The following COL25A1 variants were observed in gnomAD, a reference collection of about 807,000 sequenced individuals.
COL25A1 encodes collagen type XXV alpha 1 chain.
A neutral mutation model predicts 128.4 loss-of-function variants in COL25A1; 103 were observed. That is an observed-to-expected ratio of 0.80 (90% CI 0.68 to 0.94). The LOEUF (loss-of-function observed/expected upper bound fraction) is 0.94. Ranked by LOEUF, COL25A1 falls within the 40% of genes least tolerant of loss-of-function variation. The probability of loss-of-function intolerance (pLI) is 0.00; values close to 1 mark genes in which losing one functional copy is unlikely to be tolerated. For missense variants in COL25A1, 745 were observed against 840.0 expected, an observed-to-expected ratio of 0.89 and a Z score of 1.40; for synonymous variants, 279 against 277.2, an observed-to-expected ratio of 1.01 and a Z score of -0.06.
intron 20 of COL25A1, among the ~76,000 whole-genome samples, chr4:108,865,245 C>A (rs962363517): frequency 1.3e-5 from 2 of 152,174 alleles, no homozygotes; most frequent in African/African-American, 4.8e-5. Flanking sequence ...GGAAATACTT[C>A]ATCTTGGAAA....
rs1730670836 is a variant in COL25A1 at position 108,810,041 on chromosome 4, A to AAATATTAGC, written c.*3877_*3885dup. 1.3e-5 allele frequency: 2 copies of AAATATTAGC among 151,998 alleles called. No homozygotes were observed. The highest frequency in any genetic ancestry group is 2.9e-5 in the Non-Finnish European group (2 of 67,854). 9.4% of individuals were successfully genotyped at this position (151,998 alleles called of 1,614,324 possible). A position where few individuals can be genotyped will look rare whatever the true frequency, so the allele number is the denominator to read the frequency against. On this transcript the variant is annotated 3_prime_UTR_variant, in exon 38 of 38. Coordinates refer to ENST00000399132, the MANE Select transcript of COL25A1 (RefSeq NM_198721.4). ...AGGAAGTAAGAAAAAACAAGATTTC[A>AAATATTAGC]AATATTAGCATCTGTATGTTGCTTA... is the stretch of plus-strand genomic sequence containing the variant.
chr4:109,120,722 T>C (rs1377111552), intron 3 of COL25A1, among the ~76,000 whole-genome samples: 1 of 151,794 alleles, frequency 6.6e-6, no homozygotes, highest in African/African-American at 2.4e-5. Context: ...GGTGGAAGGA[T>C]CAATTGAGCC....
At chr4:108,997,906 T>G (rs1378943072) in intron 6 of COL25A1, among the ~76,000 whole-genome samples, 1 of 152,064 alleles carries the variant, frequency 6.6e-6, no homozygotes, top group Non-Finnish European at 1.5e-5. Context: ...CAGAAAAGGC[T>G]TTAGACAAAA....
chr4:108,935,738 T>A (rs1480696531), intron 11 of COL25A1, among the ~76,000 whole-genome samples: 1 of 152,204 alleles, frequency 6.6e-6, no homozygotes, highest in African/African-American at 2.4e-5. Context: ...ACATTTGTAT[T>A]TAACTATGTC....
intron 3 of COL25A1, among the ~76,000 whole-genome samples, chr4:109,179,998 G>A (rs1347249648): frequency 6.6e-6 from 1 of 152,142 alleles, no homozygotes; most frequent in Non-Finnish European, 1.5e-5. Context: ...TGTGGTTTGG[G>A]TAAAATGTTA....
chr4:109,185,012 T>C (rs1345454029), intron 3 of COL25A1, among the ~76,000 whole-genome samples: 1 of 152,194 alleles, frequency 6.6e-6, no homozygotes, highest in Non-Finnish European at 1.5e-5. Flanking sequence ...TAGCATAACT[T>C]GGTTTGTTTT....
At chr4:108,886,487 TGTGTG>T (rs1560806528) in intron 18 of COL25A1, among the ~76,000 whole-genome samples, 1,602 of 90,002 alleles carry the variant, frequency 0.018, 54 homozygotes, top group African/African-American at 0.03. Flanking sequence ...TGTGTGTGTG[TGTGTG>T]TTTAGCTCAT....
At chr4:109,232,611 T>C (rs1779232285) in intron 3 of COL25A1, among the ~76,000 whole-genome samples, 1 of 152,212 alleles carries the variant, frequency 6.6e-6, no homozygotes, top group African/African-American at 2.4e-5. Flanking sequence ...ACACAAAATA[T>C]ATCCATTCAA....
intron 3 of COL25A1, among the ~76,000 whole-genome samples, chr4:109,297,082 C>T (rs1725050080): frequency 6.6e-6 from 1 of 152,038 alleles, no homozygotes; most frequent in Non-Finnish European, 1.5e-5. Flanking sequence ...TTCTGCTAAA[C>T]ACAGCTTCAA....
chr4:108,928,688 A>T (rs1746375305), intron 11 of COL25A1, among the ~76,000 whole-genome samples: 1 of 152,038 alleles, frequency 6.6e-6, no homozygotes, highest in Non-Finnish European at 1.5e-5. Context: ...GACTACACGC[A>T]TGAGCCACCA....
Position 108,889,417 on chromosome 4 carries a change from A to ATT in COL25A1, c.940-163_940-162dup, listed in dbSNP as rs34358532. ...ACTCTACATCTCACTAGACATACGG[A>ATT]TTTTTTTTTTTTTTTTTTTTGCTGT... is the stretch of plus-strand genomic sequence containing the variant. On this transcript the variant is annotated intron_variant, in intron 17 of 37. Transcript: ENST00000399132. Among the ~76,000 whole-genome samples the ATT allele has an allele frequency of 3.1e-3, 398 of 130,472 alleles. 5 individuals are homozygous for ATT. The highest frequency in any genetic ancestry group is 0.011 in the African/African-American group (372 of 35,184). 85.6% of individuals were successfully genotyped at this position (130,472 alleles called of 152,430 possible).
chr4:108,956,112 AAG>A (rs1410290370), intron 8 of COL25A1, among the ~76,000 whole-genome samples: 1 of 152,220 alleles, frequency 6.6e-6, no homozygotes, highest in Admixed American at 6.5e-5. Context: ...GACCTAAGTT[AAG>A]ATGAGAATAT....
intron 3 of COL25A1, among the ~76,000 whole-genome samples, chr4:109,272,899 T>C (rs564115835): frequency 1.3e-5 from 2 of 152,248 alleles, no homozygotes; most frequent in South Asian, 4.1e-4. Flanking sequence ...AAGGCCTCCA[T>C]GGCTGGGTAT....
At chr4:109,066,507 G>T (rs545327279) in intron 3 of COL25A1, among the ~76,000 whole-genome samples, 1 of 152,220 alleles carries the variant, frequency 6.6e-6, no homozygotes, top group African/African-American at 2.4e-5. Flanking sequence ...TTATTTCTTT[G>T]TAAGTCAGCA....
chr4:109,229,267 A>G (rs1553963647), intron 3 of COL25A1, among the ~76,000 whole-genome samples: 1 of 152,224 alleles, frequency 6.6e-6, no homozygotes, highest in Non-Finnish European at 1.5e-5. Flanking sequence ...TGCAAAAGTT[A>G]TAGTGTATAA....
chr4:108,913,062 T>C (rs1022774315), intron 13 of COL25A1, among the ~76,000 whole-genome samples: 3 of 152,022 alleles, frequency 2.0e-5, no homozygotes, highest in Non-Finnish European at 4.4e-5. Flanking sequence ...CGAATCAAGA[T>C]CATCTGATAT....
At chr4:109,258,922 A>T (rs1781256105) in intron 3 of COL25A1, among the ~76,000 whole-genome samples, 1 of 152,222 alleles carries the variant, frequency 6.6e-6, no homozygotes, top group Non-Finnish European at 1.5e-5. Context: ...TCCAGCTAAA[A>T]GTCATGGTCT....
At chr4:109,087,106 G>A (rs1185618388) in intron 3 of COL25A1, among the ~76,000 whole-genome samples, 1 of 152,052 alleles carries the variant, frequency 6.6e-6, no homozygotes, top group Non-Finnish European at 1.5e-5. Flanking sequence ...CCCAGTGTGT[G>A]GGCAAAATGA....
At position 108,886,465 on chromosome 4, in the gene COL25A1, T is replaced by TTTTTTTTTTTTTTTTTTA. The variant is rs1560806050; in HGVS notation, c.976-2244_976-2243insTAAAAAAAAAAAAAAAAA. Among the ~76,000 whole-genome samples the TTTTTTTTTTTTTTTTTTA allele has an allele frequency of 5.9e-5, 7 of 119,590 alleles. No individual in the cohort carries two copies. The East Asian group carries it at 2.2e-3, about 37-fold the overall frequency. 78.5% of individuals were successfully genotyped at this position (119,590 alleles called of 152,430 possible). A position where few individuals can be genotyped will look rare whatever the true frequency, so the allele number is the denominator to read the frequency against. On this transcript the variant is annotated intron_variant, in intron 18 of 37. Transcript: ENST00000399132. ...TTTTGTGTGTGTGTGTGTGTGTGTG[T>TTTTTTTTTTTTTTTTTTA]GTGTGTGTGTGTGTGTGTGTGTGTG...
Sources: gnomAD v4.1 joint callset for allele counts (sites outside exome capture counted in the v4.1 genomes callset) on GRCh38, gnomAD v4.1.1 for gene constraint, MANE v1.5 for transcripts, NCBI Gene and HGNC (gene_info 2026-07-23, HGNC 2026-07-21) for gene names.